The following ZNG1A variants were observed in gnomAD, a reference collection of about 807,000 sequenced individuals.
ZNG1A encodes the protein zinc-regulated GTPase metalloprotein activator 1A.
chr9:129,590 A>C, the ZNG1A span, among the ~76,000 whole-genome samples: 4 of 150,324 alleles, frequency 2.7e-5, no homozygotes, highest in Admixed American at 2.6e-4. Flanking sequence ...GCATGAATCC[A>C]CTAATATCAG....
chr9:159,634 T>C, the ZNG1A span, among the ~76,000 whole-genome samples: 1,479 of 151,314 alleles, frequency 9.8e-3, 12 homozygotes, highest in African/African-American at 0.034. Context: ...CCTAACTTCA[T>C]GAAGGGCTAT....
the ZNG1A span, chr9:172,127 C>G: frequency 1.2e-6 from 2 of 1,611,282 alleles, no homozygotes; most frequent in East Asian, 4.5e-5. Flanking sequence ...AATCAAATTT[C>G]CCCTTCTTTT....
chr9:169,854 C>CTTTTTTTT, the ZNG1A span, among the ~76,000 whole-genome samples: 1,956 of 53,838 alleles, frequency 0.036, 2 homozygotes, highest in Non-Finnish European at 0.047. Context: ...ATAAACACAG[C>CTTTTTTTT]TTTTTTTTTT....
At chr9:123,892 T>C in the ZNG1A span, 14 of 158,404 alleles carry the variant, frequency 8.8e-5, no homozygotes, top group African/African-American at 3.1e-4. Context: ...AACTATTTCA[T>C]TTTATAAATT....
chr9:138,520 C>A, the ZNG1A span, among the ~76,000 whole-genome samples: 1 of 119,452 alleles, frequency 8.4e-6, no homozygotes, highest in Non-Finnish European at 1.7e-5. Context: ...AAAATGTGAA[C>A]AATACTACAG....
chr9:161,032 C>T, the ZNG1A span, among the ~76,000 whole-genome samples: 3 of 149,998 alleles, frequency 2.0e-5, no homozygotes, highest in Non-Finnish European at 4.5e-5. Context: ...GAGTTTTCTT[C>T]CAAACTTTTC....
the ZNG1A span, among the ~76,000 whole-genome samples, chr9:130,142 A>G: frequency 0.023 from 3,430 of 150,962 alleles, 269 homozygotes; most frequent in African/African-American, 0.076. Context: ...TTATTTTTAA[A>G]TCTTAATAAA....
At chr9:121,371 G>A in the ZNG1A span, 62 of 789,626 alleles carry the variant, frequency 7.9e-5, no homozygotes, top group South Asian at 9.3e-4. Flanking sequence ...AAGTATATTG[G>A]AATTCGTAAC....
chr9:153,888 C>T, the ZNG1A span: 1 of 151,968 alleles, frequency 6.6e-6, no homozygotes, highest in African/African-American at 2.4e-5. Flanking sequence ...AAGCATTGTA[C>T]ACATTAAAGA....
chr9:151,161 G>C, the ZNG1A span: 1 of 985,218 alleles, frequency 1.0e-6, no homozygotes, highest in African/African-American at 1.7e-5. Flanking sequence ...ACCTCTGCCA[G>C]CAGATGAGTG....
chr9:174,397 G>A, the ZNG1A span, among the ~76,000 whole-genome samples: 3 of 151,868 alleles, frequency 2.0e-5, no homozygotes, highest in Non-Finnish European at 2.9e-5. Flanking sequence ...TATTAATAAA[G>A]AGCTTCTAAA....
chr9:171,252 T>G, the ZNG1A span, among the ~76,000 whole-genome samples: 4 of 152,164 alleles, frequency 2.6e-5, no homozygotes, highest in African/African-American at 9.7e-5. Flanking sequence ...ATATTTCTTT[T>G]GGACAACTAT....
At chr9:177,608 G>C in the ZNG1A span, 1 of 1,525,656 alleles carries the variant, frequency 6.6e-7, no homozygotes. Flanking sequence ...GTTTCAAAAA[G>C]GGAAAATGGT....
chr9:130,763 A>T, the ZNG1A span, among the ~76,000 whole-genome samples: 43 of 136,532 alleles, frequency 3.1e-4, no homozygotes, highest in East Asian at 3.0e-3. Context: ...TTTTGCTTTT[A>T]TCAGGTTAAA....
the ZNG1A span, among the ~76,000 whole-genome samples, chr9:162,192 T>A: frequency 7.4e-5 from 11 of 149,210 alleles, no homozygotes; most frequent in South Asian, 2.2e-4. Flanking sequence ...TAACCCCATA[T>A]GCTTATTACA....
At chr9:154,781 G>A in the ZNG1A span, 32 of 1,582,822 alleles carry the variant, frequency 2.0e-5, no homozygotes, top group African/African-American at 3.9e-4. Flanking sequence ...AATGGCATCT[G>A]CCAAAGCAAC....
chr9:171,781 C>T, the ZNG1A span: 7 of 370,200 alleles, frequency 1.9e-5, no homozygotes, highest in East Asian at 3.6e-4. Context: ...AGAGGTAGAA[C>T]GTCTCTGCTC....
At chr9:161,757 G>GTAA in the ZNG1A span, 1 of 517,234 alleles carries the variant, frequency 1.9e-6, no homozygotes, top group Non-Finnish European at 3.5e-6. Context: ...TGCATTCTAG[G>GTAA]ACCTTAGAAG....
At chr9:128,651 C>T in the ZNG1A span, among the ~76,000 whole-genome samples, 1 of 149,594 alleles carries the variant, frequency 6.7e-6, no homozygotes, top group Admixed American at 6.6e-5. Flanking sequence ...AGCTTAATAA[C>T]CAACCTAGTG....
Sources: allele counts gnomAD v4.1 joint callset (sites outside exome capture counted in the v4.1 genomes callset), GRCh38; gene constraint gnomAD v4.1.1; transcripts MANE v1.5; gene names NCBI Gene and HGNC (gene_info 2026-07-23, HGNC 2026-07-21).